The following RGS5 variants were observed in gnomAD, a reference collection of about 807,000 sequenced individuals.
RGS5 encodes regulator of G-protein signalling 5.
A neutral mutation model predicts 18.9 loss-of-function variants in RGS5; 20 were observed. The ratio of observed to expected loss-of-function variants is 1.06; its 90% confidence interval spans 0.74 to 1.54. The LOEUF (loss-of-function observed/expected upper bound fraction) is 1.54. Among genes scored for constraint, RGS5 ranks in the 40% most tolerant of loss-of-function variants. The probability of loss-of-function intolerance (pLI) is 0.00; values close to 1 mark genes in which losing one functional copy is unlikely to be tolerated. For missense variants in RGS5, 201 were observed against 211.8 expected, an observed-to-expected ratio of 0.95 and a Z score of 0.32; for synonymous variants, 57 against 76.2, an observed-to-expected ratio of 0.75 and a Z score of 1.31.
intron 2 of RGS5, among the ~76,000 whole-genome samples, chr1:163,257,939 C>G (rs1648321900): frequency 6.6e-6 from 1 of 152,100 alleles, no homozygotes; most frequent in Non-Finnish European, 1.5e-5. Flanking sequence ...TCAGTCTGGC[C>G]TAATTAGCTG....
intron 4 of RGS5, among the ~76,000 whole-genome samples, chr1:163,149,411 T>C (rs1344159970): frequency 6.6e-6 from 1 of 152,204 alleles, no homozygotes; most frequent in African/African-American, 2.4e-5. Flanking sequence ...ATTGAGTTTC[T>C]AAAAATTATA....
At chr1:163,213,868 T>G (rs1435544508) in intron 1 of RGS5, among the ~76,000 whole-genome samples, 5 of 152,080 alleles carry the variant, frequency 3.3e-5, no homozygotes, top group African/African-American at 1.2e-4. Flanking sequence ...CACCAATGAT[T>G]CACCCAGAAT....
At chr1:163,303,567 C>T (rs1649619726) in intron 2 of RGS5, among the ~76,000 whole-genome samples, 1 of 152,212 alleles carries the variant, frequency 6.6e-6, no homozygotes, top group Admixed American at 6.5e-5. Flanking sequence ...AAGAGAGCTT[C>T]TGTATACTTA....
intron 2 of RGS5, among the ~76,000 whole-genome samples, chr1:163,305,868 C>T (rs1329276641): frequency 3.3e-5 from 5 of 152,180 alleles, no homozygotes; most frequent in Non-Finnish European, 7.3e-5. Flanking sequence ...AGCTGGTCAG[C>T]TTGGAGAACT....
At chr1:163,279,658 T>C (rs1292143229) in intron 2 of RGS5, among the ~76,000 whole-genome samples, 1 of 151,786 alleles carries the variant, frequency 6.6e-6, no homozygotes, top group East Asian at 1.9e-4. Context: ...AAAGAAATAG[T>C]AAATTCAGAG....
intron 2 of RGS5, among the ~76,000 whole-genome samples, chr1:163,302,183 T>C (rs1437465603): frequency 6.6e-6 from 1 of 152,114 alleles, no homozygotes; most frequent in Non-Finnish European, 1.5e-5. Context: ...AAACAATAAC[T>C]CATGTGGCAA....
chr1:163,152,772 T>C, intron 3 of RGS5, 56 bp from the exon 4 acceptor site: 3 of 1,480,176 alleles, frequency 2.0e-6, no homozygotes, highest in Non-Finnish European at 2.7e-6. Flanking sequence ...TAACAAATAT[T>C]GTATCCATGA....
At position 163,161,702 on chromosome 1, in the gene RGS5, CT is replaced by C. The variant is rs147621262; in HGVS notation, c.217+212del. The stretch of plus-strand genomic sequence containing the variant: ...CTGCAATCATGAGTCTTCAGAACAC[CT>C]TATGTTCACATTCCCTCATAGTGCC... On this transcript the variant is annotated intron_variant, in intron 3 of 4. Transcript: ENST00000313961. 2.2e-3 allele frequency: 1,082 copies of C among 487,268 alleles called. 14 individuals are homozygous for C. Among genetic ancestry groups the C allele is most frequent in the African/African-American group, 0.019 (992 of 51,186 alleles). 30.2% of individuals were successfully genotyped at this position (487,268 alleles called of 1,614,324 possible). A position where few individuals can be genotyped will look rare whatever the true frequency, so the allele number is the denominator to read the frequency against.
intron 2 of RGS5, among the ~76,000 whole-genome samples, chr1:163,223,475 G>T (rs61810855): frequency 0.11 from 16,732 of 152,182 alleles, 1,219 homozygotes; most frequent in South Asian, 0.19. Flanking sequence ...CCCCATTAAG[G>T]GATGAAGTGT....
At chr1:163,260,225 CT>C (rs1168999489) in intron 2 of RGS5, 3 of 152,058 alleles carry the variant, frequency 2.0e-5, no homozygotes, top group Non-Finnish European at 4.4e-5. Flanking sequence ...AGTGATTTTT[CT>C]TTTTGCTTCT....
At chr1:163,245,090 AAAC>A (rs1425703968) in intron 2 of RGS5, 31 of 152,372 alleles carry the variant, frequency 2.0e-4, no homozygotes, top group African/African-American at 6.5e-4. Context: ...AAATTTCGTC[AAAC>A]AACAATGAAA....
chr1:163,168,084 TGA>T (rs1427663154), intron 2 of RGS5, among the ~76,000 whole-genome samples, 172 bp downstream of exon 2: 2 of 151,766 alleles, frequency 1.3e-5, no homozygotes, highest in East Asian at 3.9e-4. Flanking sequence ...GCTCCAGACA[TGA>T]GATAGTTGAG....
chr1:163,227,919 A>G (rs1227105035), intron 2 of RGS5, among the ~76,000 whole-genome samples: 2 of 152,214 alleles, frequency 1.3e-5, no homozygotes, highest in African/African-American at 4.8e-5. Flanking sequence ...CTTTAATTGT[A>G]TGTCTCACAT....
upstream of RGS5, among the ~76,000 whole-genome samples, chr1:163,204,309 CCACACA>C (rs10616125): frequency 4.9e-3 from 706 of 145,046 alleles, 3 homozygotes; most frequent in African/African-American, 0.014. Flanking sequence ...TGGCTCTAAA[CCACACA>C]CACACACACA....
At chr1:163,256,154 A>G (rs1010424350) in intron 2 of RGS5, among the ~76,000 whole-genome samples, 3 of 152,154 alleles carry the variant, frequency 2.0e-5, no homozygotes, top group Admixed American at 6.5e-5. Context: ...TCAATTAGGA[A>G]AAGAGGAAGT....
At chr1:163,251,517 G>A (rs1370807227) in intron 2 of RGS5, among the ~76,000 whole-genome samples, 2 of 151,862 alleles carry the variant, frequency 1.3e-5, no homozygotes, top group African/African-American at 2.4e-5. Context: ...CAGAACCCAG[G>A]GTTTGGTCCT....
At chr1:163,275,303 T>C (rs535512459) in intron 2 of RGS5, among the ~76,000 whole-genome samples, 81 of 151,492 alleles carry the variant, frequency 5.3e-4, no homozygotes, top group Non-Finnish European at 9.7e-4. Context: ...CAATAAATCT[T>C]CTTAGTGCCC....
In RGS5 at chr1:163,202,871, A is replaced by T. The variant is rs950193893; in HGVS notation, c.-36T>A. 6.9e-6 allele frequency: 11 copies of T among 1,604,156 alleles called. No individual in the cohort carries two copies. Among genetic ancestry groups the T allele is most frequent in the Non-Finnish European group, 8.5e-6 (10 of 1,171,796 alleles). Reference sequence around the variant, plus strand: ...GGCTTAGCTCCTCCGCTTTAAGTACAACTTCTTAACAGCAGAGCCAGTCTT... The same window carrying T: ...GGCTTAGCTCCTCCGCTTTAAGTACTACTTCTTAACAGCAGAGCCAGTCTT... On this transcript the variant is annotated 5_prime_UTR_variant, in exon 1 of 5. Transcript: ENST00000313961.
chr1:163,188,101 A>G (rs1659171850), intron 1 of RGS5, among the ~76,000 whole-genome samples: 3 of 152,218 alleles, frequency 2.0e-5, no homozygotes, highest in Admixed American at 6.5e-5. Context: ...TTTCCGACAT[A>G]GTATGAAACT....
Sources: gnomAD v4.1 joint callset for allele counts (sites outside exome capture counted in the v4.1 genomes callset) on GRCh38, gnomAD v4.1.1 for gene constraint, MANE v1.5 for transcripts, NCBI Gene and HGNC (gene_info 2026-07-23, HGNC 2026-07-21) for gene names.